The following SLC4A4 variants were observed in gnomAD, a reference collection of about 807,000 sequenced individuals.
SLC4A4 encodes solute carrier family 4 member 4.
SLC4A4 carries 27 observed loss-of-function variants against 111.5 expected under a neutral mutation model. The observed-to-expected ratio is 0.24, with a 90% CI of 0.18 to 0.33. The LOEUF is 0.33. Among genes scored for constraint, SLC4A4 ranks in the 10% least tolerant of loss-of-function variants. SLC4A4 has a pLI of 1.00. For missense variants in SLC4A4, 909 were observed against 1,315.5 expected (o/e 0.69, Z 4.78); for synonymous variants, 443 against 463.4 (o/e 0.96, Z 0.57).
rs72854451 is a variant in SLC4A4 at position 71,562,766 on chromosome 4, T to C, written c.3100-1027T>C. 6.8e-3 allele frequency among the ~76,000 whole-genome samples: 1,031 copies of C among 151,888 alleles called. 14 individuals are homozygous for C. The highest frequency in any genetic ancestry group is 0.023 in the African/African-American group (974 of 41,522). On this transcript the variant is annotated intron_variant, in intron 23 of 25. Coordinates refer to ENST00000264485, the MANE Select transcript of SLC4A4 (RefSeq NM_001098484.3). The stretch of plus-strand genomic sequence containing the variant: ...CCCTTTACATTTAAGATTAATATTG[T>C]TTATGTGTGGCATCTTTATTTTTTT...
chr4:71,371,710 C>T (rs1200824982), intron 6 of SLC4A4, among the ~76,000 whole-genome samples: 1 of 152,166 alleles, frequency 6.6e-6, no homozygotes, highest in Admixed American at 6.5e-5. Context: ...CATATATTGT[C>T]TTACGTTGTT....
chr4:71,375,189 C>T (rs1732236908), intron 6 of SLC4A4, among the ~76,000 whole-genome samples: 1 of 152,112 alleles, frequency 6.6e-6, no homozygotes, highest in Non-Finnish European at 1.5e-5. Flanking sequence ...CACTTTGTTC[C>T]AGTTGACCTT....
intron 6 of SLC4A4, among the ~76,000 whole-genome samples, chr4:71,369,808 A>G (rs532071436): frequency 9.2e-5 from 14 of 152,178 alleles, no homozygotes; most frequent in Non-Finnish European, 1.6e-4. Context: ...TTTTTAAAGT[A>G]GAGTATTAAG....
rs576985162 is a variant in SLC4A4 at position 71,120,470 on chromosome 4, G to A, written c.-2+27678G>A. 3.3e-5 allele frequency among the ~76,000 whole-genome samples: 5 copies of A among 152,328 alleles called. No homozygotes were observed. In the South Asian group the frequency reaches 1.0e-3, roughly 32 times the overall value. On this transcript the variant is annotated intron_variant, in intron 2 of 26. Transcript: ENST00000649996. ...TCCTGGGCTGCCAGATGCCATCAGGGAAATCCTGCTTCTGTGCTGGCTTTT... is the reference window on the plus strand; with the variant it reads ...TCCTGGGCTGCCAGATGCCATCAGGAAAATCCTGCTTCTGTGCTGGCTTTT...
intron 4 of SLC4A4, among the ~76,000 whole-genome samples, chr4:71,345,483 C>G (rs987471570): frequency 9.2e-5 from 14 of 152,084 alleles, no homozygotes. Context: ...ACTGTGCTGC[C>G]AAACTTGGGT....
chr4:71,136,603 G>C (rs1158061425), intron 2 of SLC4A4, among the ~76,000 whole-genome samples: 1 of 152,074 alleles, frequency 6.6e-6, no homozygotes, highest in Non-Finnish European at 1.5e-5. Context: ...TAAGAGTAAG[G>C]GTTCTGCTGT....
At chr4:71,272,824 C>G (rs1722790975) in intron 3 of SLC4A4, among the ~76,000 whole-genome samples, 2 of 151,954 alleles carry the variant, frequency 1.3e-5, no homozygotes, top group South Asian at 4.1e-4. Flanking sequence ...CTCTGAGGAA[C>G]CTACTAAGGT....
intron 1 of SLC4A4, among the ~76,000 whole-genome samples, chr4:71,228,687 A>G (rs1435721651): frequency 6.6e-6 from 1 of 152,240 alleles, no homozygotes; most frequent in Admixed American, 6.5e-5. Flanking sequence ...TCTAGGGGAA[A>G]TTAAAAAACA....
chr4:71,300,917 C>T (rs1160928306), intron 3 of SLC4A4: 3 of 523,742 alleles, frequency 5.7e-6, no homozygotes, highest in African/African-American at 3.9e-5. Context: ...CCATGTCACA[C>T]TGAAGATAGA....
chr4:71,380,741 A>G (rs1718060155), intron 6 of SLC4A4, among the ~76,000 whole-genome samples: 1 of 151,986 alleles, frequency 6.6e-6, no homozygotes, highest in Non-Finnish European at 1.5e-5. Context: ...AGTTGGGGGG[A>G]ACAGGGTTTG....
At chr4:71,432,195 A>G (rs1335501832) in intron 7 of SLC4A4, among the ~76,000 whole-genome samples, 1 of 152,172 alleles carries the variant, frequency 6.6e-6, no homozygotes, top group African/African-American at 2.4e-5. Context: ...TAAGTATATA[A>G]AACAGAAGAG....
chr4:71,125,543 G>C (rs1743538238), intron 2 of SLC4A4, among the ~76,000 whole-genome samples: 1 of 152,224 alleles, frequency 6.6e-6, no homozygotes, highest in Non-Finnish European at 1.5e-5. Context: ...CTGGGCGACA[G>C]AGCCAGACTC....
intron 10 of SLC4A4, among the ~76,000 whole-genome samples, 160 bp from the exon 11 acceptor site, chr4:71,451,028 G>A (rs1725714144): frequency 6.6e-6 from 1 of 152,152 alleles, no homozygotes; most frequent in African/African-American, 2.4e-5. Context: ...GGTTCTAAAT[G>A]TAACACTTAA....
chr4:71,501,567 GTCT>G (rs1227045706), intron 16 of SLC4A4, among the ~76,000 whole-genome samples: 1 of 147,982 alleles, frequency 6.8e-6, no homozygotes, highest in East Asian at 2.0e-4. Context: ...ATTTATTTCA[GTCT>G]TCTTTTTTTT....
chr4:71,229,705 C>A (rs547781093), intron 1 of SLC4A4, among the ~76,000 whole-genome samples: 84 of 152,220 alleles, frequency 5.5e-4, no homozygotes, highest in African/African-American at 1.9e-3. Flanking sequence ...TGTCCCTTTC[C>A]CCCAGTATGG....
intron 1 of SLC4A4, among the ~76,000 whole-genome samples, chr4:71,222,549 A>G (rs1017964125): frequency 1.3e-5 from 2 of 152,222 alleles, no homozygotes; most frequent in Non-Finnish European, 2.9e-5. Context: ...AATAATGCCT[A>G]GTCATAGCAG....
intron 2 of SLC4A4, among the ~76,000 whole-genome samples, chr4:71,101,763 C>A (rs1169623616): frequency 6.6e-6 from 1 of 152,002 alleles, no homozygotes; most frequent in South Asian, 2.1e-4. Context: ...CACCAAAAAC[C>A]CATCTGTACA....
chr4:71,540,717 G>GC (rs1734961640), intron 18 of SLC4A4, among the ~76,000 whole-genome samples: 2 of 142,044 alleles, frequency 1.4e-5, no homozygotes, highest in Admixed American at 1.4e-4. Context: ...CTTGTACCTT[G>GC]CATGAACATT....
At chr4:71,256,649 C>G (rs1043418900) in intron 3 of SLC4A4, among the ~76,000 whole-genome samples, 1 of 152,150 alleles carries the variant, frequency 6.6e-6, no homozygotes, top group African/African-American at 2.4e-5. Context: ...GAAGGTCTGT[C>G]TGAAAGGGAT....
Sources: allele counts gnomAD v4.1 joint callset (sites outside exome capture counted in the v4.1 genomes callset), GRCh38; gene constraint gnomAD v4.1.1; transcripts MANE v1.5; gene names NCBI Gene and HGNC (gene_info 2026-07-23, HGNC 2026-07-21).